ARSG: variants seen among roughly 807,000 people sequenced by gnomAD.
ARSG encodes arylsulfatase G.
Under a neutral mutation model 50.5 loss-of-function variants are expected in ARSG, and 37 were observed. The observed-to-expected ratio is 0.73, with a 90% CI of 0.56 to 0.96. The LOEUF is 0.96. Among genes scored for constraint, ARSG ranks in the 50% least tolerant of loss-of-function variants. ARSG has a pLI of 0.00. For missense variants in ARSG, 629 were observed against 675.3 expected (o/e 0.93, Z 0.76); for synonymous variants, 225 against 254.6 (o/e 0.88, Z 1.11).
At chr17:68,436,997 AAAAAAAAAATAT>A in the ARSG span, among the ~76,000 whole-genome samples, 6 of 58,956 alleles carry the variant, frequency 1.0e-4, no homozygotes, top group African/African-American at 2.3e-4. Context: ...CCGTCTCAAA[AAAAAAAAAATAT>A]ATATATATGT....
intron 8 of ARSG, among the ~76,000 whole-genome samples, chr17:68,372,269 CATCT>C (rs918775706): frequency 9.2e-5 from 14 of 151,962 alleles, no homozygotes; most frequent in African/African-American, 2.4e-4. Flanking sequence ...ATCTAACTGT[CATCT>C]ATCTATCTAT....
intron 2 of ARSG, among the ~76,000 whole-genome samples, chr17:68,321,640 C>G (rs1437522380): frequency 1.3e-5 from 2 of 152,166 alleles, no homozygotes; most frequent in African/African-American, 4.8e-5. Context: ...CGTTATGTCT[C>G]TCCGGGGCTT....
chr17:68,334,947 G>T (rs1235041968), intron 2 of ARSG, among the ~76,000 whole-genome samples: 1 of 152,288 alleles, frequency 6.6e-6, no homozygotes, highest in East Asian at 1.9e-4. Context: ...AGGGGACATA[G>T]ACCCCACCTC....
At chr17:68,393,431 T>C (rs1298506631) in intron 9 of ARSG, among the ~76,000 whole-genome samples, 1 of 152,176 alleles carries the variant, frequency 6.6e-6, no homozygotes, top group African/African-American at 2.4e-5. Flanking sequence ...TGTCGAGATA[T>C]AGCAGTGCTT....
intron 2 of ARSG, among the ~76,000 whole-genome samples, chr17:68,329,003 C>T (rs2077615800): frequency 6.6e-6 from 1 of 152,188 alleles, no homozygotes; most frequent in African/African-American, 2.4e-5. Flanking sequence ...AGGGAGCCAG[C>T]AGCAGCAAAA....
At chr17:68,318,019 A>G (rs2077136426) in intron 2 of ARSG, among the ~76,000 whole-genome samples, 1 of 152,086 alleles carries the variant, frequency 6.6e-6, no homozygotes, top group South Asian at 2.1e-4. Flanking sequence ...GAATCTCTTG[A>G]ACCCGGGAGG....
chr17:68,305,066 C>T (rs1033891696), intron 1 of ARSG, among the ~76,000 whole-genome samples: 6 of 152,070 alleles, frequency 3.9e-5, no homozygotes, highest in East Asian at 1.9e-4. Context: ...TCTAGCTACC[C>T]GGGAGGCTGA....
chr17:68,328,123 G>A (rs1348613653), intron 2 of ARSG, among the ~76,000 whole-genome samples: 2 of 152,052 alleles, frequency 1.3e-5, no homozygotes, highest in African/African-American at 4.8e-5. Flanking sequence ...TACCAGGATA[G>A]CAGCAGCAGC....
intron 8 of ARSG, among the ~76,000 whole-genome samples, chr17:68,375,561 T>C (rs931219427): frequency 1.3e-5 from 2 of 152,244 alleles, no homozygotes; most frequent in South Asian, 2.1e-4. Context: ...TTAAAATTAA[T>C]ACAATTTAAT....
chr17:68,294,175 C>G (rs1599595729), intron 1 of ARSG, among the ~76,000 whole-genome samples: 1 of 152,186 alleles, frequency 6.6e-6, no homozygotes, highest in East Asian at 1.9e-4. Context: ...GCAGAGCCCC[C>G]TCTCGGCTTT....
At chr17:68,435,455 A>G in the ARSG span, among the ~76,000 whole-genome samples, 1 of 152,254 alleles carries the variant, frequency 6.6e-6, no homozygotes, top group African/African-American at 2.4e-5. Context: ...ATGCATGAAT[A>G]TACCACACAT....
At chr17:68,434,649 AT>A in the ARSG span, 1 of 1,613,226 alleles carries the variant, frequency 6.2e-7, no homozygotes, top group Non-Finnish European at 8.5e-7. Flanking sequence ...GCAGGTGGAC[AT>A]TTCATAACCA....
chr17:68,349,966 C>T (rs922683862), intron 4 of ARSG, among the ~76,000 whole-genome samples: 3 of 152,108 alleles, frequency 2.0e-5, no homozygotes, highest in Non-Finnish European at 4.4e-5. Flanking sequence ...ATGTCTAACT[C>T]GAGGAGTGCA....
chr17:68,368,656 A>T lies in ARSG; in HGVS notation c.813A>T (p.Ala271=), dbSNP rs1360763132. ...AAPRGRSLYG[A]GLWEMDSLVG... ...CACGGGGCAGAAGCCTGTATGGTGC[A>T]GGGCTCTGGGAGATGGACAGTCTGG... The change falls in exon 7 of 12, where the codon GCA becomes GCT. Residue 271 remains alanine (A), a synonymous_variant. Transcript: ENST00000621439. 6 of 1,614,242 alleles carry T rather than the reference A, an allele frequency of 3.7e-6. No individual in the cohort carries two copies. In the South Asian group the frequency reaches 5.5e-5, roughly 15 times the overall value.
At chr17:68,449,160 G>A in the ARSG span, among the ~76,000 whole-genome samples, 3,134 of 152,302 alleles carry the variant, frequency 0.021, 107 homozygotes, top group African/African-American at 0.07. Flanking sequence ...TGCAGCAACC[G>A]CTCTGGGAAT....
At chr17:68,341,717 C>A (rs2078277017) in intron 2 of ARSG, among the ~76,000 whole-genome samples, 1 of 152,212 alleles carries the variant, frequency 6.6e-6, no homozygotes, top group Non-Finnish European at 1.5e-5. Context: ...CTTGTTTCTG[C>A]ATGTTCCTTG....
At chr17:68,390,049 G>A (rs2080921048) in intron 9 of ARSG, among the ~76,000 whole-genome samples, 1 of 151,956 alleles carries the variant, frequency 6.6e-6, no homozygotes, top group South Asian at 2.1e-4. Context: ...GTGCAATGAT[G>A]TGATCTCGGC....
At chr17:68,431,448 T>G in the ARSG span, among the ~76,000 whole-genome samples, 1 of 151,182 alleles carries the variant, frequency 6.6e-6, no homozygotes, top group South Asian at 2.1e-4. Context: ...GTTCTGGGGG[T>G]GGTGGCTGCT....
At chr17:68,444,430 G>C in the ARSG span, 1 of 1,472,834 alleles carries the variant, frequency 6.8e-7, no homozygotes, top group Non-Finnish European at 9.4e-7. Flanking sequence ...GGAAAATAAA[G>C]CTTGGGAAAG....
Sources: allele counts gnomAD v4.1 joint callset (sites outside exome capture counted in the v4.1 genomes callset), GRCh38; gene constraint gnomAD v4.1.1; transcripts MANE v1.5; gene names NCBI Gene and HGNC (gene_info 2026-07-23, HGNC 2026-07-21).